CDK5RAP2: variants seen among roughly 807,000 people sequenced by gnomAD.
CDK5RAP2 encodes CDK5 regulatory subunit associated protein 2.
Under a neutral mutation model 232.9 loss-of-function variants are expected in CDK5RAP2, and 147 were observed. That is an observed-to-expected ratio of 0.63 (90% CI 0.55 to 0.72). CDK5RAP2 has a LOEUF of 0.72. CDK5RAP2 is among the 30% of genes least tolerant of loss of function. CDK5RAP2 has a pLI of 0.00. For missense variants in CDK5RAP2, 2,195 were observed against 2,231.5 expected, an observed-to-expected ratio of 0.98 and a Z score of 0.33; for synonymous variants, 833 against 833.7, an observed-to-expected ratio of 1.00 and a Z score of 0.01.
At chr9:120,492,200 T>C (rs2038944483) in intron 12 of CDK5RAP2, among the ~76,000 whole-genome samples, 1 of 152,152 alleles carries the variant, frequency 6.6e-6, no homozygotes, top group Non-Finnish European at 1.5e-5. Context: ...ACAATCCAAA[T>C]GTCCACCAAC....
In CDK5RAP2 at chr9:120,406,741, G is replaced by A. The variant is rs534894849; in HGVS notation, c.4963+271C>T. 7 of 527,842 alleles carry A rather than the reference G, an allele frequency of 1.3e-5. No individual in the cohort carries two copies. In the Admixed American group the frequency reaches 2.3e-4, roughly 17 times the overall value. 32.7% of individuals were successfully genotyped at this position (527,842 alleles called of 1,614,324 possible). A position where few individuals can be genotyped will look rare whatever the true frequency, so the allele number is the denominator to read the frequency against. The stretch of plus-strand genomic sequence containing the variant: ...GATGCAGGCAGGACTAAATGGATAG[G>A]AGGGAGCAAGGCCAGAGGCACTGAG... On this transcript the variant is annotated intron_variant, in intron 32 of 37. Transcript: ENST00000349780.
Position 120,437,354 on chromosome 9 carries a change from T to C in CDK5RAP2, c.3896A>G (p.Gln1299Arg), listed in dbSNP as rs751545684. The change falls in exon 25 of 38, where the codon CAG becomes CGG. Residue 1299 changes from glutamine to arginine, a missense_variant. Coordinates refer to ENST00000349780, the MANE Select transcript of CDK5RAP2 (RefSeq NM_018249.6). ...CTCAGCACATTGATTCAGCTGTTCC[T>C]GGAAACCCTCGGCCACACAGTAATC... ...DVDYCVAEGF[Q>R]EQLNQCAELL... The C allele has an allele frequency of 4.3e-6, 7 of 1,614,018 alleles. No homozygotes were observed. In the South Asian group the frequency reaches 7.7e-5, roughly 18 times the overall value.
intron 23 of CDK5RAP2, among the ~76,000 whole-genome samples, chr9:120,441,933 CAAG>C (rs1365568939): frequency 1.3e-5 from 2 of 152,104 alleles, no homozygotes; most frequent in Non-Finnish European, 2.9e-5. Context: ...TCTGGCTGAA[CAAG>C]AAAGAGAAAG....
At chr9:120,495,713 GC>G (rs1471933388) in intron 12 of CDK5RAP2, among the ~76,000 whole-genome samples, 4 of 80,684 alleles carry the variant, frequency 5.0e-5, no homozygotes, top group East Asian at 4.6e-4. Flanking sequence ...TGGGGGGTCA[GC>G]CCCCCCGCCC....
At position 120,506,531 on chromosome 9, in the gene CDK5RAP2, A is replaced by G. The variant is rs140800325; in HGVS notation, c.1311+11896T>C. On this transcript the variant is annotated intron_variant, in intron 12 of 37. Transcript: ENST00000349780. ...CCTCTGATGGATCTGGGCAAAGTAA[A>G]TGGAAAACCTTTTGGAAAGGATTCA... Among the ~76,000 whole-genome samples, 1,109 of 152,378 alleles carry G rather than the reference A, an allele frequency of 7.3e-3. 13 individuals are homozygous for G. The highest frequency in any genetic ancestry group is 0.025 in the African/African-American group (1,025 of 41,590).
rs531877703 is a variant in CDK5RAP2 at position 120,394,634 on chromosome 9, C to T, written c.5456G>A (p.Gly1819Glu). 19 of 1,610,904 alleles carry T rather than the reference C, an allele frequency of 1.2e-5. No homozygotes were observed. The highest frequency in any genetic ancestry group is 4.0e-5 in the African/African-American group (3 of 74,916). Residue 1819 changes from glycine (G) to glutamate (E), a missense_variant, in exon 36 of 38, where the codon GGA becomes GAA. Transcript: ENST00000349780. The stretch of plus-strand genomic sequence containing the variant: ...TTTGGTGACCTCTGCCTTCATTTCT[C>T]CAATCTAAAGAGAAGAGAAATTAGA... ...GQCPLHCEQI[G>E]EMKAEVTKLH...
Position 120,520,318 on chromosome 9 carries a change from C to G in CDK5RAP2, c.1093-1673G>C, listed in dbSNP as rs142999662. On this transcript the variant is annotated intron_variant, in intron 11 of 37. Transcript: ENST00000349780. ...CCCAACACTTTGGGAGGAATGGTCT[C>G]TATTTTCATATGGTCATTGTGAAGA... is the stretch of plus-strand genomic sequence containing the variant. 8.0e-3 allele frequency among the ~76,000 whole-genome samples: 1,220 copies of G among 152,098 alleles called. 11 individuals carry two copies. The highest frequency in any genetic ancestry group is 0.02 in the Middle Eastern group (6 of 294).
intron 11 of CDK5RAP2, among the ~76,000 whole-genome samples, chr9:120,522,640 T>A (rs921706330): frequency 2.0e-5 from 3 of 152,202 alleles, no homozygotes; most frequent in South Asian, 2.1e-4. Context: ...AAGTTTTTTT[T>A]AAAATGAGTA....
intron 14 of CDK5RAP2, among the ~76,000 whole-genome samples, chr9:120,485,116 T>G (rs1325396054): frequency 6.6e-6 from 1 of 152,082 alleles, no homozygotes; most frequent in African/African-American, 2.4e-5. Context: ...GTTATTTAAA[T>G]ATCACCGGGA....
chr9:120,469,977 C>A, intron 17 of CDK5RAP2, 134 bp downstream of exon 17: 4 of 611,440 alleles, frequency 6.5e-6, no homozygotes, highest in Non-Finnish European at 1.2e-5. Context: ...AGGAGGGGCA[C>A]ACACAACAAG....
rs190292706 is a variant in CDK5RAP2 at position 120,407,916 on chromosome 9, G to C, written c.4726+431C>G. 412 of 284,110 alleles carry C rather than the reference G, an allele frequency of 1.5e-3. 1 individual carries two copies. Among genetic ancestry groups the C allele is most frequent in the Admixed American group, 2.4e-3 (52 of 21,308 alleles). The allele number at this position is 284,110 out of a possible 1,614,324, so 17.6% of individuals were successfully genotyped here. A position where few individuals can be genotyped will look rare whatever the true frequency, so the allele number is the denominator to read the frequency against. On this transcript the variant is annotated intron_variant, in intron 31 of 37. Transcript: ENST00000349780. The stretch of plus-strand genomic sequence containing the variant: ...GGGCAAAAAGTAACATATACTAGCA[G>C]GACGATTATAATAAAGGTCATTTCC...
intron 15 of CDK5RAP2, among the ~76,000 whole-genome samples, chr9:120,472,524 G>C (rs1031720933): frequency 1.8e-4 from 28 of 152,198 alleles, no homozygotes; most frequent in African/African-American, 6.7e-4. Context: ...TAAGGGTGGG[G>C]GACAGGTGGG....
chr9:120,439,414 T>A lies in CDK5RAP2; in HGVS notation c.3707A>T (p.Asp1236Val). Residue 1236 changes from aspartate to valine, a missense_variant, in exon 24 of 38, where the codon GAT (aspartate) becomes GTT (valine). Transcript: ENST00000349780. The part of the protein sequence containing the change: ...EIHNLQNKFR[D>V]LSPPRYDSLV... ...TGGAACGTACCTGGGAGGTGAGAGA[T>A]CTCTGAACTTATTCTGCAGATTATG... 1 of 1,614,020 alleles carries A rather than the reference T, an allele frequency of 6.2e-7. No homozygotes were observed. Among genetic ancestry groups the A allele is most frequent in the Middle Eastern group, 1.7e-4 (1 of 6,058 alleles).
chr9:120,556,397 T>C (rs896668692), intron 3 of CDK5RAP2, among the ~76,000 whole-genome samples: 10 of 152,200 alleles, frequency 6.6e-5, no homozygotes, highest in Admixed American at 2.0e-4. Context: ...TAAAAAATAA[T>C]TTTTAATAGC....
chr9:120,536,327 G>A, intron 7 of CDK5RAP2, 45 bp downstream of exon 7: 1 of 1,599,582 alleles, frequency 6.3e-7, no homozygotes. Flanking sequence ...TCCCCACGCT[G>A]CCAGATAATG....
Position 120,489,932 on chromosome 9 carries a change from C to T in CDK5RAP2, c.1482+1375G>A, listed in dbSNP as rs139952559. 4.1e-3 allele frequency among the ~76,000 whole-genome samples: 619 copies of T among 152,080 alleles called. 3 individuals carry two copies. Among genetic ancestry groups the T allele is most frequent in the African/African-American group, 0.014 (575 of 41,452 alleles). ...AAGCGATTCTCCTGCCTCAGCCTCCCGAGTAGCTGGGATTACAGGCATGCA... is the reference window on the plus strand; with the variant it reads ...AAGCGATTCTCCTGCCTCAGCCTCCTGAGTAGCTGGGATTACAGGCATGCA... On this transcript the variant is annotated intron_variant, in intron 13 of 37. Coordinates refer to ENST00000349780, the MANE Select transcript of CDK5RAP2 (RefSeq NM_018249.6).
intron 32 of CDK5RAP2, among the ~76,000 whole-genome samples, chr9:120,405,880 T>C (rs1335517415): frequency 2.6e-5 from 4 of 152,114 alleles, no homozygotes; most frequent in East Asian, 1.9e-4. Flanking sequence ...TGATGTAATA[T>C]TGGGCAAAAA....
chr9:120,515,409 G>A (rs926723133), intron 12 of CDK5RAP2, among the ~76,000 whole-genome samples: 3 of 152,056 alleles, frequency 2.0e-5, no homozygotes, highest in Non-Finnish European at 4.4e-5. Context: ...AATTAACTGT[G>A]GATTTTAAAT....
chr9:120,397,595 A>C lies in CDK5RAP2; in HGVS notation c.5452-2957T>G, dbSNP rs1024755726. On this transcript the variant is annotated intron_variant, in intron 35 of 37. Transcript: ENST00000349780. ...AAAGAAAAAAAAAAAAGCCCAACAC[A>C]GTATCATTATGACACCTTAAAAAAA... Among the ~76,000 whole-genome samples, 23 of 150,760 alleles carry C rather than the reference A, an allele frequency of 1.5e-4. 1 individual carries two copies. The highest frequency in any genetic ancestry group is 5.4e-4 in the African/African-American group (22 of 41,004).
Sources: gnomAD v4.1 joint callset for allele counts (sites outside exome capture counted in the v4.1 genomes callset) on GRCh38, gnomAD v4.1.1 for gene constraint, MANE v1.5 for transcripts, NCBI Gene and HGNC (gene_info 2026-07-23, HGNC 2026-07-21) for gene names.